LRMDA: variants seen among roughly 807,000 people sequenced by gnomAD.
LRMDA encodes leucine-rich melanocyte differentiation-associated protein.
LRMDA carries 18 observed loss-of-function variants against 29.8 expected under a neutral mutation model. The observed-to-expected ratio is 0.60, with a 90% CI of 0.42 to 0.90. LRMDA has a LOEUF of 0.90. LRMDA is among the 40% of genes least tolerant of loss of function. The pLI is 0.00. For missense variants in LRMDA, 273 were observed against 273.9 expected (o/e 1.00, Z 0.02); for synonymous variants, 125 against 109.4 (o/e 1.14, Z -0.89).
At chr10:76,130,222 C>T (rs1456443504) in intron 5 of LRMDA, among the ~76,000 whole-genome samples, 1 of 151,690 alleles carries the variant, frequency 6.6e-6, no homozygotes, top group African/African-American at 2.4e-5. Flanking sequence ...CACTTAGACT[C>T]ATCCAGAATA....
At chr10:76,456,655 A>T (rs1271534022) in intron 6 of LRMDA, among the ~76,000 whole-genome samples, 44 of 139,468 alleles carry the variant, frequency 3.2e-4, no homozygotes, top group Admixed American at 2.5e-3. Flanking sequence ...ACTCTTATTA[A>T]AAAAAAAAAA....
chr10:76,340,515 C>A (rs1397009197), intron 6 of LRMDA, among the ~76,000 whole-genome samples: 265 of 75,714 alleles, frequency 3.5e-3, no homozygotes, highest in South Asian at 7.8e-3. Flanking sequence ...GAACCTGTAT[C>A]AAAAAAAAAA....
rs61282210 is a variant in LRMDA at position 75,852,845 on chromosome 10, C to T, written c.132-183163C>T. Among the ~76,000 whole-genome samples the T allele has an allele frequency of 7.9e-3, 1,193 of 151,840 alleles. 17 individuals carry two copies. The highest frequency in any genetic ancestry group is 0.027 in the African/African-American group (1,116 of 41,446). On this transcript the variant is annotated intron_variant, in intron 2 of 6. Coordinates refer to ENST00000611255, the MANE Select transcript of LRMDA (RefSeq NM_001305581.2). ...TCCATAGATGGGGGTTGTATTAGTC[C>T]GTTCTCATGCTGCTCATGCTAAGTA... is the stretch of plus-strand genomic sequence containing the variant.
At chr10:76,154,979 A>C (rs1203771359) in intron 5 of LRMDA, among the ~76,000 whole-genome samples, 1 of 152,190 alleles carries the variant, frequency 6.6e-6, no homozygotes, top group South Asian at 2.1e-4. Flanking sequence ...TGTATAAGTC[A>C]TTTCGGCTCT....
intron 2 of LRMDA, among the ~76,000 whole-genome samples, chr10:75,793,721 A>G (rs904742169): frequency 5.9e-5 from 9 of 152,286 alleles, no homozygotes; most frequent in Admixed American, 5.9e-4. Context: ...CCTCTGTCAC[A>G]GTGACTAGCA....
At chr10:75,794,241 T>C (rs983958009) in intron 2 of LRMDA, among the ~76,000 whole-genome samples, 6 of 152,246 alleles carry the variant, frequency 3.9e-5, no homozygotes, top group African/African-American at 1.4e-4. Flanking sequence ...TTATAAATGA[T>C]GCTATGTGAT....
intron 2 of LRMDA, among the ~76,000 whole-genome samples, chr10:75,934,301 A>G (rs1846250737): frequency 6.6e-6 from 1 of 152,088 alleles, no homozygotes; most frequent in African/African-American, 2.4e-5. Context: ...TTTCTGGGAC[A>G]CTTTGGTAAA....
intron 2 of LRMDA, among the ~76,000 whole-genome samples, chr10:75,646,532 C>T (rs1395681654): frequency 1.3e-5 from 2 of 152,250 alleles, no homozygotes; most frequent in Non-Finnish European, 2.9e-5. Context: ...CACGCTACCT[C>T]TGACACTGAC....
intron 5 of LRMDA, among the ~76,000 whole-genome samples, chr10:76,205,093 G>T (rs1167637678): frequency 6.6e-6 from 1 of 152,172 alleles, no homozygotes; most frequent in Non-Finnish European, 1.5e-5. Context: ...ACTGCCAGAG[G>T]TAGTAGAGGA....
chr10:75,977,243 C>A (rs1209123163), intron 2 of LRMDA, among the ~76,000 whole-genome samples: 1 of 151,940 alleles, frequency 6.6e-6, no homozygotes, highest in Non-Finnish European at 1.5e-5. Context: ...ATTTTCCCAG[C>A]AATTTACTCA....
At chr10:76,254,342 T>TACCATACCATA (rs71024595) in intron 5 of LRMDA, among the ~76,000 whole-genome samples, 1,593 of 138,550 alleles carry the variant, frequency 0.011, 74 homozygotes, top group East Asian at 0.035. Flanking sequence ...TACCATACCA[T>TACCATACCATA]CCTATCCTAT....
chr10:76,175,734 G>A (rs564274997), intron 5 of LRMDA, among the ~76,000 whole-genome samples: 58 of 152,288 alleles, frequency 3.8e-4, no homozygotes, highest in Non-Finnish European at 6.5e-4. Flanking sequence ...AAGCCTTGGC[G>A]GGCAAGGGCA....
At position 75,465,646 on chromosome 10, in the gene LRMDA, A is replaced by G. The variant is rs190462526; in HGVS notation, c.131+27152A>G. Among the ~76,000 whole-genome samples, 220 of 152,346 alleles carry G rather than the reference A, an allele frequency of 1.4e-3. No homozygotes were observed. In the Middle Eastern group the frequency reaches 0.027, roughly 19 times the overall value. ...ATGCAGCGCATTTGTAGACCTGTTG[A>G]ACATGCTTGGCATCACGTTGCAAAA... On this transcript the variant is annotated intron_variant, in intron 2 of 6. Transcript: ENST00000611255.
chr10:75,987,497 C>G (rs2132455773), intron 2 of LRMDA, among the ~76,000 whole-genome samples: 1 of 152,298 alleles, frequency 6.6e-6, no homozygotes, highest in Middle Eastern at 3.4e-3. Context: ...GTGTAAACCA[C>G]CAGTTTAAAG....
chr10:75,878,222 C>T (rs1487495224), intron 2 of LRMDA, among the ~76,000 whole-genome samples: 2 of 151,738 alleles, frequency 1.3e-5, no homozygotes, highest in African/African-American at 4.8e-5. Flanking sequence ...TGTTCTTGCC[C>T]TAGGGTACTG....
At chr10:75,564,026 C>T (rs1276783773) in intron 2 of LRMDA, among the ~76,000 whole-genome samples, 2 of 152,202 alleles carry the variant, frequency 1.3e-5, no homozygotes, top group Non-Finnish European at 2.9e-5. Context: ...CTCAGATCTC[C>T]AGCTGCGTGC....
intron 2 of LRMDA, among the ~76,000 whole-genome samples, chr10:75,910,179 A>T (rs1044559599): frequency 6.6e-6 from 1 of 152,110 alleles, no homozygotes; most frequent in African/African-American, 2.4e-5. Flanking sequence ...TTATTTTCTA[A>T]TTTCGCCACT....
chr10:76,416,840 T>TC (rs1842020342), intron 6 of LRMDA, among the ~76,000 whole-genome samples: 1 of 152,216 alleles, frequency 6.6e-6, no homozygotes, highest in Non-Finnish European at 1.5e-5. Flanking sequence ...ATTAAGGAAA[T>TC]GTGCGTGTGC....
At chr10:76,271,282 C>G (rs1414487638) in intron 5 of LRMDA, among the ~76,000 whole-genome samples, 1 of 152,048 alleles carries the variant, frequency 6.6e-6, no homozygotes, top group South Asian at 2.1e-4. Context: ...GTGGCATGCA[C>G]CTGTAATCCC....
Sources: allele counts gnomAD v4.1 joint callset (sites outside exome capture counted in the v4.1 genomes callset), GRCh38; gene constraint gnomAD v4.1.1; transcripts MANE v1.5; gene names NCBI Gene and HGNC (gene_info 2026-07-23, HGNC 2026-07-21).